The following CRADD variants were observed in gnomAD, a reference collection of about 807,000 sequenced individuals.
The protein encoded by CRADD is death domain-containing protein CRADD.
Under a neutral mutation model 15.5 loss-of-function variants are expected in CRADD, and 9 were observed. That is an observed-to-expected ratio of 0.58 (90% CI 0.35 to 1.01). CRADD has a LOEUF of 1.01. Ranked by LOEUF, CRADD falls within the 50% of genes least tolerant of loss-of-function variation. The pLI, the probability that CRADD is intolerant of heterozygous loss-of-function variation, is 0.02. For synonymous variants in CRADD, 118 were observed against 107.6 expected (o/e 1.10, Z -0.60); for missense variants, 227 against 250.3 (o/e 0.91, Z 0.63).
At chr12:93,769,086 A>G (rs867546949) in intron 2 of CRADD, among the ~76,000 whole-genome samples, 1 of 146,396 alleles carries the variant, frequency 6.8e-6, no homozygotes, top group South Asian at 2.2e-4. Context: ...TACTTTATTT[A>G]TTTTTTTTTT....
intron 2 of CRADD, among the ~76,000 whole-genome samples, chr12:93,865,674 G>T (rs940201558): frequency 6.6e-6 from 1 of 152,200 alleles, no homozygotes; most frequent in African/African-American, 2.4e-5. Context: ...TGAAAGTGCT[G>T]GAATTATGTG....
At chr12:93,799,246 A>G (rs1006498544) in intron 2 of CRADD, among the ~76,000 whole-genome samples, 1 of 152,198 alleles carries the variant, frequency 6.6e-6, no homozygotes, top group Non-Finnish European at 1.5e-5. Context: ...TCATCTTCCA[A>G]TGGAGTCCTG....
At chr12:93,683,309 C>T (rs1027813918) in intron 2 of CRADD, among the ~76,000 whole-genome samples, 6 of 152,230 alleles carry the variant, frequency 3.9e-5, no homozygotes, top group African/African-American at 1.4e-4. Flanking sequence ...TGCCATGATT[C>T]TCTGCCTTTT....
intron 2 of CRADD, among the ~76,000 whole-genome samples, chr12:93,713,863 G>T (rs906321009): frequency 2.0e-5 from 3 of 151,932 alleles, no homozygotes; most frequent in Non-Finnish European, 2.9e-5. Flanking sequence ...ATTTCATCTG[G>T]CTTTTCCTTT....
At chr12:93,872,976 G>A (rs893156485) in intron 2 of CRADD, among the ~76,000 whole-genome samples, 6 of 151,876 alleles carry the variant, frequency 4.0e-5, no homozygotes, top group South Asian at 2.1e-4. Context: ...AGTTTGCATC[G>A]AATCTGTAGA....
At chr12:93,741,953 A>C (rs1467975306) in intron 2 of CRADD, among the ~76,000 whole-genome samples, 1 of 152,134 alleles carries the variant, frequency 6.6e-6, no homozygotes, top group Non-Finnish European at 1.5e-5. Context: ...CGTCTCCTCT[A>C]CACGCCATGA....
chr12:93,681,735 G>T lies in CRADD; in HGVS notation c.298+2663G>T, dbSNP rs903387238. ...ATCTTGTCTCATTCCCAACCCCCACGCAGTGAAAAGCCCTGAATTGGGGGT... is the reference window on the plus strand; with the variant it reads ...ATCTTGTCTCATTCCCAACCCCCACTCAGTGAAAAGCCCTGAATTGGGGGT... On this transcript the variant is annotated intron_variant, in intron 2 of 2. Coordinates refer to ENST00000332896, the MANE Select transcript of CRADD (RefSeq NM_003805.5). Among the ~76,000 whole-genome samples, 9 of 152,034 alleles carry T rather than the reference G, an allele frequency of 5.9e-5. No homozygotes were observed. The South Asian group carries it at 1.7e-3, about 28-fold the overall frequency.
chr12:93,839,064 G>T (rs535747503), intron 2 of CRADD, among the ~76,000 whole-genome samples: 6 of 152,172 alleles, frequency 3.9e-5, no homozygotes, highest in Admixed American at 6.5e-5. Flanking sequence ...TGATCCATGG[G>T]TGCCCGGCCT....
intron 2 of CRADD, among the ~76,000 whole-genome samples, chr12:93,711,034 A>AGGGGGGGGGGGGC: frequency 2.7e-5 from 1 of 36,504 alleles, no homozygotes; most frequent in African/African-American, 1.0e-4. Flanking sequence ...GCCCCCCTCC[A>AGGGGGGGGGGGGC]CCCCACCCTC....
chr12:93,693,435 G>C (rs1000094378), intron 2 of CRADD, among the ~76,000 whole-genome samples: 8 of 151,998 alleles, frequency 5.3e-5, no homozygotes, highest in African/African-American at 1.9e-4. Context: ...AAAGAGAGTA[G>C]GAGTGGCTAT....
chr12:93,708,618 C>T (rs1293013696), intron 2 of CRADD: 1 of 152,298 alleles, frequency 6.6e-6, no homozygotes, highest in Non-Finnish European at 1.5e-5. Context: ...TCTGACCACT[C>T]TATCTACTTC....
chr12:93,731,992 C>G lies in CRADD; in HGVS notation c.298+52920C>G, dbSNP rs527515515. On this transcript the variant is annotated intron_variant, in intron 2 of 2. Transcript: ENST00000332896. ...TCTCTACTAAAAATATAAAATTAGCCAGGCATGGTGATGGGTGCCTGTAAT... is the reference window on the plus strand; with the variant it reads ...TCTCTACTAAAAATATAAAATTAGCGAGGCATGGTGATGGGTGCCTGTAAT... Among the ~76,000 whole-genome samples the G allele has an allele frequency of 5.9e-5, 9 of 152,072 alleles. No individual in the cohort carries two copies. The East Asian group carries it at 1.7e-3, about 29-fold the overall frequency.
At chr12:93,737,019 T>C (rs1797804394) in intron 2 of CRADD, among the ~76,000 whole-genome samples, 2 of 152,214 alleles carry the variant, frequency 1.3e-5, no homozygotes, top group Non-Finnish European at 2.9e-5. Context: ...ACTTCTCTGG[T>C]GAGACCACAT....
intron 2 of CRADD, among the ~76,000 whole-genome samples, chr12:93,875,111 A>G (rs1334565313): frequency 1.9e-4 from 29 of 152,104 alleles, no homozygotes; most frequent in Admixed American, 6.5e-5. Flanking sequence ...TGTTGAGTCC[A>G]TATATATTTA....
intron 2 of CRADD, among the ~76,000 whole-genome samples, chr12:93,819,460 T>A (rs554532495): frequency 1.3e-5 from 2 of 152,378 alleles, no homozygotes; most frequent in East Asian, 3.9e-4. Context: ...GTTAAAGGCA[T>A]GACTCAGAAG....
At chr12:93,750,030 T>C (rs1202267658) in intron 2 of CRADD, among the ~76,000 whole-genome samples, 1 of 152,224 alleles carries the variant, frequency 6.6e-6, no homozygotes, top group African/African-American at 2.4e-5. Flanking sequence ...TGCAGACTAA[T>C]ACATTATGTT....
intron 2 of CRADD, among the ~76,000 whole-genome samples, chr12:93,701,003 C>T (rs939421094): frequency 7.9e-5 from 12 of 152,028 alleles, no homozygotes; most frequent in Non-Finnish European, 1.5e-5. Flanking sequence ...AGGGCAGGGA[C>T]CTAGTGCTAT....
intron 2 of CRADD, among the ~76,000 whole-genome samples, chr12:93,821,292 A>G (rs909877578): frequency 2.6e-5 from 4 of 152,164 alleles, no homozygotes; most frequent in Non-Finnish European, 2.9e-5. Context: ...ACTCATTTAT[A>G]TTCCCTACCA....
chr12:93,709,442 C>G (rs971359753), intron 2 of CRADD, among the ~76,000 whole-genome samples: 2 of 152,102 alleles, frequency 1.3e-5, no homozygotes, highest in African/African-American at 4.8e-5. Flanking sequence ...ACCCGAGTAT[C>G]TATTGTTTCC....
Sources: allele counts gnomAD v4.1 joint callset (sites outside exome capture counted in the v4.1 genomes callset), GRCh38; gene constraint gnomAD v4.1.1; transcripts MANE v1.5; gene names NCBI Gene and HGNC (gene_info 2026-07-23, HGNC 2026-07-21).